The following TELO2 variants were observed in gnomAD, a reference collection of about 807,000 sequenced individuals.
The protein encoded by TELO2 is telomere maintenance 2.
In TELO2, 71 loss-of-function variants were observed where a neutral mutation model predicts 91.0. The observed-to-expected ratio is 0.78, with a 90% CI of 0.64 to 0.95. TELO2 has a LOEUF of 0.95. TELO2 is among the 40% of genes least tolerant of loss of function. The pLI, the probability that TELO2 is intolerant of heterozygous loss-of-function variation, is 0.00. For missense variants in TELO2, 1,183 were observed against 1,141.3 expected (o/e 1.04, Z -0.53); for synonymous variants, 584 against 518.9 (o/e 1.13, Z -1.71).
chr16:1,502,820 T>C, intron 14 of TELO2, 59 bp downstream of exon 14: 2 of 1,601,872 alleles, frequency 1.2e-6, no homozygotes, highest in South Asian at 2.2e-5. Context: ...CACTGGGAGC[T>C]GCGGTGCCTG....
rs553963200 is a variant in TELO2 at position 1,495,807 on chromosome 16, T to G, written c.613+184T>G. Among the ~76,000 whole-genome samples, 12 of 152,342 alleles carry G rather than the reference T, an allele frequency of 7.9e-5. No individual in the cohort carries two copies. The East Asian group carries it at 2.3e-3, about 29-fold the overall frequency. ...AGGGCTCATCCGCTGTGGGCTGAAGTCCGCTGCCCTCCACGCGGGCTTCTC... is the reference window on the plus strand; with the variant it reads ...AGGGCTCATCCGCTGTGGGCTGAAGGCCGCTGCCCTCCACGCGGGCTTCTC... On this transcript the variant is annotated intron_variant, in intron 3 of 20. Transcript: ENST00000262319.
chr16:1,496,734 C>G (rs1051965663), intron 3 of TELO2, among the ~76,000 whole-genome samples: 3 of 152,240 alleles, frequency 2.0e-5, no homozygotes, highest in African/African-American at 7.2e-5. Flanking sequence ...CCAACTTGGC[C>G]GGGCCCTATC....
intron 20 of TELO2, 103 bp from the exon 21 acceptor site, chr16:1,509,727 G>A (rs2040062668): frequency 7.4e-6 from 8 of 1,079,184 alleles, no homozygotes; most frequent in Non-Finnish European, 8.1e-6. Context: ...TTTCTTCCAT[G>A]GAGTCAGGCC....
At chr16:1,506,591 C>G in intron 17 of TELO2, 1 of 1,402,100 alleles carries the variant, frequency 7.1e-7, no homozygotes, top group East Asian at 2.7e-5. Flanking sequence ...CGCACGTGCC[C>G]GACGCCATCA....
Position 1,506,947 on chromosome 16 carries a change from T to G in TELO2, c.2127-5T>G, listed in dbSNP as rs546432416. The G allele has an allele frequency of 6.2e-7, 1 of 1,607,056 alleles. No homozygotes were observed. The highest frequency in any genetic ancestry group is 1.3e-5 in the African/African-American group (1 of 74,924). On this transcript the variant is annotated splice_polypyrimidine_tract_variant and splice_region_variant and intron_variant, in intron 17 of 20. Transcript: ENST00000262319. ...CTGCACCTTGGGCTCCATCCTGTGC[T>G]CTAGGCCTCTGGTGACCTTCGACCT...
Position 1,510,163 on chromosome 16 carries a change from C to T in TELO2, c.*227C>T, listed in dbSNP as rs1199500730. 2.4e-5 allele frequency: 13 copies of T among 544,918 alleles called. No homozygotes were observed. Among genetic ancestry groups the T allele is most frequent in the Admixed American group, 2.2e-4 (7 of 31,924 alleles). The allele number at this position is 544,918 out of a possible 1,614,324, so 33.8% of individuals were successfully genotyped here. ...GCCCGCCGGGACATGGCAGCCTGGA[C>T]GTGGGGCTGGGGCTGTGGGCGCTGC... is the stretch of plus-strand genomic sequence containing the variant. On this transcript the variant is annotated 3_prime_UTR_variant, in exon 21 of 21. Coordinates refer to ENST00000262319, the MANE Select transcript of TELO2 (RefSeq NM_016111.4).
rs377266015 is a variant in TELO2, at chr16:1,494,518, C to T, written c.237C>T (p.Pro79=). 1.9e-6 allele frequency: 3 copies of T among 1,613,314 alleles called. No individual in the cohort carries two copies. The highest frequency in any genetic ancestry group is 1.1e-5 in the South Asian group (1 of 91,084). Residue 79 remains proline (P), a synonymous_variant, in exon 2 of 21, where the codon CCC becomes CCT. Coordinates refer to ENST00000262319, the MANE Select transcript of TELO2 (RefSeq NM_016111.4). This position sits in a 1 kb window ranked among gnomAD's most constrained non-coding sequence, Gnocchi z 5.6. Reference sequence around the variant, plus strand: ...GCCCAGCCTGGCTGGAGCTGCTGCCCCATGGCCGCCTGGAGGAGCTGTGGG... The same window carrying T: ...GCCCAGCCTGGCTGGAGCTGCTGCCTCATGGCCGCCTGGAGGAGCTGTGGG... The part of the protein sequence containing the change: ...RLSPAWLELL[P]HGRLEELWAS...
chr16:1,495,087 C>T (rs1000615715), intron 2 of TELO2, among the ~76,000 whole-genome samples: 9 of 152,216 alleles, frequency 5.9e-5, no homozygotes, highest in Non-Finnish European at 1.0e-4. Context: ...CTGAGTTATC[C>T]GCGTCAGCAG....
rs2039552264 is a variant in TELO2 at position 1,497,948 on chromosome 16, G to A, written c.830+440G>A. 6.6e-6 allele frequency among the ~76,000 whole-genome samples: 1 copy of A among 151,780 alleles called. No homozygotes were observed. The highest frequency in any genetic ancestry group is 1.5e-5 in the Non-Finnish European group (1 of 67,994). On this transcript the variant is annotated intron_variant, in intron 5 of 20. Transcript: ENST00000262319. This position sits in a 1 kb window ranked among gnomAD's most constrained non-coding sequence, Gnocchi z 4.0. The stretch of plus-strand genomic sequence containing the variant: ...AAACCCTGCCAGCTCACCTGCCTCA[G>A]ATGTCTCCCCTCCCTTCAACGTGTG...
Position 1,494,602 on chromosome 16 carries a change from C to A in TELO2, c.321C>A (p.Ile107=), listed in dbSNP as rs537093632. 1 of 1,612,492 alleles carries A rather than the reference C, an allele frequency of 6.2e-7. No individual in the cohort carries two copies. The highest frequency in any genetic ancestry group is 1.3e-5 in the African/African-American group (1 of 74,866). The change falls in exon 2 of 21, where the codon ATC becomes ATA. Residue 107 remains isoleucine (I), a synonymous_variant. Transcript: ENST00000262319. This position sits in a 1 kb window ranked among gnomAD's most constrained non-coding sequence, Gnocchi z 5.6. ...DQAFLVLMET[I]EGAAGPSFRL... is the part of the protein sequence containing the mutation. ...CCTTCCTGGTGTTGATGGAGACCAT[C>A]GAGGGTGCTGCGGGGTGAGTGGGCT...
At chr16:1,501,339 G>A (rs2039668156) in intron 9 of TELO2, 81 bp from the exon 10 acceptor site, 10 of 1,469,108 alleles carry the variant, frequency 6.8e-6, no homozygotes, top group Non-Finnish European at 9.3e-6. Flanking sequence ...AGGCCACAGT[G>A]GGGAGTGGCT....
At chr16:1,508,670 A>C (rs967791004) in intron 20 of TELO2, among the ~76,000 whole-genome samples, 2 of 152,056 alleles carry the variant, frequency 1.3e-5, no homozygotes, top group Non-Finnish European at 2.9e-5. Context: ...CTTCTGCCCC[A>C]GCCATCTCCC....
rs1253310146 is a variant in TELO2, at chr16:1,497,416, C to T, written c.738C>T (p.Tyr246=). ...TGGCAGCGCTCACCCAGGGCAGCTA[C>T]CTGCACCAGCGCGTCTGCTGGCGCC... The part of the protein sequence containing the change: ...PRLAALTQGS[Y]LHQRVCWRLV... Residue 246 remains tyrosine (Y), a synonymous_variant, in exon 5 of 21, where the codon TAC becomes TAT. Transcript: ENST00000262319. This position sits in a 1 kb window ranked among gnomAD's most constrained non-coding sequence, Gnocchi z 4.0. 1 of 1,554,486 alleles carries T rather than the reference C, an allele frequency of 6.4e-7. No homozygotes were observed. Among genetic ancestry groups the T allele is most frequent in the African/African-American group, 1.4e-5 (1 of 73,328 alleles).
rs965882406 is a variant in TELO2, at chr16:1,502,079, G to A, written c.1505G>A (p.Gly502Glu). 1 of 1,613,048 alleles carries A rather than the reference G, an allele frequency of 6.2e-7. No homozygotes were observed. The change falls in exon 12 of 21, where the codon GGG (glycine) becomes GAG (glutamate). Residue 502 changes from glycine (G) to glutamate (E), a missense_variant. Gly to Glu is a moderately conservative substitution (Grantham distance 98). Coordinates refer to ENST00000262319, the MANE Select transcript of TELO2 (RefSeq NM_016111.4). ...DDEFVPYDMS[G>E]DRELKSSKAP... ...GAGTTTGTCCCCTACGACATGTCGG[G>A]GGACAGAGAGCTGAAGAGCAGCAAG...
At position 1,497,207 on chromosome 16, in the gene TELO2, G is replaced by T; in HGVS notation, c.682+103G>T. 1 of 1,540,204 alleles carries T rather than the reference G, an allele frequency of 6.5e-7. No homozygotes were observed. The highest frequency in any genetic ancestry group is 8.8e-7 in the Non-Finnish European group (1 of 1,135,434). On this transcript the variant is annotated intron_variant, in intron 4 of 20. Coordinates refer to ENST00000262319, the MANE Select transcript of TELO2 (RefSeq NM_016111.4). This position sits in a 1 kb window ranked among gnomAD's most constrained non-coding sequence, Gnocchi z 4.0. ...CCCTCCTGACCCTGGCCCTCTGCAGGGTCCCCTTGCCCGGTCCTGTCCTGG... is the reference window on the plus strand; with the variant it reads ...CCCTCCTGACCCTGGCCCTCTGCAGTGTCCCCTTGCCCGGTCCTGTCCTGG...
intron 2 of TELO2, among the ~76,000 whole-genome samples, chr16:1,495,063 G>C (rs879613864): frequency 6.6e-6 from 1 of 152,242 alleles, no homozygotes; most frequent in Non-Finnish European, 1.5e-5. Flanking sequence ...AGGTTGCTGT[G>C]ATCAAAGCAA....
rs780467501 is a variant in TELO2 at position 1,501,676 on chromosome 16, C to G, written c.1375C>G (p.Pro459Ala). 2 of 1,608,418 alleles carry G rather than the reference C, an allele frequency of 1.2e-6. No individual in the cohort carries two copies. Among genetic ancestry groups the G allele is most frequent in the East Asian group, 2.2e-5 (1 of 44,814 alleles). Residue 459 changes from proline (P) to alanine (A), a missense_variant, in exon 11 of 21, where the codon CCA becomes GCA. By Grantham distance (27) the Pro-to-Ala change is conservative (BLOSUM62 -1). Coordinates refer to ENST00000262319, the MANE Select transcript of TELO2 (RefSeq NM_016111.4). ...GASEAGTSLV[P>A]ATAEPPAETP... is the part of the protein sequence containing the mutation. ...GTTTCCTTAAAGCACGTCCCTCGTT[C>G]CAGCCACGGCAGAGCCCCCTGCAGA...
chr16:1,506,361 G>T (rs1452301804), intron 17 of TELO2, 32 bp downstream of exon 17: 8 of 1,613,436 alleles, frequency 5.0e-6, no homozygotes, highest in Non-Finnish European at 3.4e-6. Context: ...CTGTGGACTT[G>T]GGGGACAGGG....
At chr16:1,509,151 G>C (rs950170662) in intron 20 of TELO2, among the ~76,000 whole-genome samples, 2 of 152,208 alleles carry the variant, frequency 1.3e-5, no homozygotes, top group African/African-American at 2.4e-5. Flanking sequence ...TCATCTGGGG[G>C]CCTTGGGGGC....
Sources: gnomAD v4.1 joint callset for allele counts (sites outside exome capture counted in the v4.1 genomes callset) on GRCh38, gnomAD v4.1.1 for gene constraint, Gnocchi (gnomAD v3.1) non-coding constraint, MANE v1.5 for transcripts, NCBI Gene and HGNC (gene_info 2026-07-23, HGNC 2026-07-21) for gene names.